CACNG7: variants seen among roughly 807,000 people sequenced by gnomAD.
CACNG7 encodes the protein calcium voltage-gated channel auxiliary subunit gamma 7, also known as voltage-dependent calcium channel gamma-7 subunit.
Under a neutral mutation model 26.3 loss-of-function variants are expected in CACNG7, and 9 were observed. That is an observed-to-expected ratio of 0.34 (90% CI 0.21 to 0.60). CACNG7 has a LOEUF of 0.60. Ranked by LOEUF, CACNG7 falls within the 20% of genes least tolerant of loss-of-function variation. The pLI is 0.81. For synonymous variants in CACNG7, 170 were observed against 157.0 expected, an observed-to-expected ratio of 1.08 and a Z score of -0.62; for missense variants, 297 against 380.4, an observed-to-expected ratio of 0.78 and a Z score of 1.82.
At position 53,915,517 on chromosome 19, in the gene CACNG7, G is replaced by A. The variant is rs773206528; in HGVS notation, c.424+12G>A. 67 of 1,613,798 alleles carry A rather than the reference G, an allele frequency of 4.2e-5. No homozygotes were observed. In the South Asian group the frequency reaches 6.9e-4, roughly 17 times the overall value. On this transcript the variant is annotated intron_variant, in intron 4 of 5. Coordinates refer to ENST00000391767, the MANE Select transcript of CACNG7 (RefSeq NM_031896.5). ...CTTCATACTATCGGGTGAGCCTAAG[G>A]ACTTGGGGGTTGGGGGGGACCATTT...
chr19:53,929,805 A>T (rs1412922561), intron 4 of CACNG7, among the ~76,000 whole-genome samples: 1 of 152,150 alleles, frequency 6.6e-6, no homozygotes, highest in African/African-American at 2.4e-5. Context: ...GTGTTATGGA[A>T]GTTCAGAGCA....
In CACNG7 at chr19:53,942,368, C is replaced by A; in HGVS notation, c.*75C>A. On this transcript the variant is annotated 3_prime_UTR_variant, in exon 6 of 6. Transcript: ENST00000391767. The surrounding 1 kb of genome is among the most constrained non-coding windows in gnomAD (Gnocchi z 5.9). ...GGGGTCTCCCTGCAATGCAGCGCCCCCTTCCGTCCTCGGGACTCCTCGCTC... is the reference window on the plus strand; with the variant it reads ...GGGGTCTCCCTGCAATGCAGCGCCCACTTCCGTCCTCGGGACTCCTCGCTC... 1.3e-6 allele frequency: 2 copies of A among 1,539,674 alleles called. No individual in the cohort carries two copies. Among genetic ancestry groups the A allele is most frequent in the South Asian group, 2.4e-5 (2 of 81,716 alleles).
At chr19:53,916,139 T>G (rs557659866) in intron 4 of CACNG7, among the ~76,000 whole-genome samples, 255 of 152,372 alleles carry the variant, frequency 1.7e-3, no homozygotes, top group African/African-American at 5.7e-3. Context: ...ATTGTCTAGA[T>G]GCATTTCAGA....
intron 4 of CACNG7, among the ~76,000 whole-genome samples, chr19:53,919,255 G>C (rs1211800377): frequency 6.6e-6 from 1 of 152,202 alleles, no homozygotes; most frequent in East Asian, 1.9e-4. Flanking sequence ...GAATAGCCTG[G>C]GGTGACTGCC....
At chr19:53,923,827 T>C (rs1162440270) in intron 4 of CACNG7, among the ~76,000 whole-genome samples, 17 of 125,618 alleles carry the variant, frequency 1.4e-4, no homozygotes, top group African/African-American at 5.0e-4. Context: ...GCCCCAGGTC[T>C]GGTCATTGGT....
chr19:53,935,631 T>G, intron 4 of CACNG7, among the ~76,000 whole-genome samples: 1 of 120,734 alleles, frequency 8.3e-6, no homozygotes. Flanking sequence ...CCTCCAATAC[T>G]GTCTTTTTTT....
intron 4 of CACNG7, among the ~76,000 whole-genome samples, chr19:53,917,753 A>C (rs1568771781): frequency 6.6e-6 from 1 of 152,182 alleles, no homozygotes. Flanking sequence ...GGGGATTTTT[A>C]TTCAACCTGT....
chr19:53,915,076 AAG>A (rs2068887035), intron 3 of CACNG7, among the ~76,000 whole-genome samples: 1 of 151,784 alleles, frequency 6.6e-6, no homozygotes, highest in East Asian at 1.9e-4. Flanking sequence ...GGTAAGGAGA[AAG>A]AGCAAGGTTG....
At chr19:53,919,163 A>G (rs1324299857) in intron 4 of CACNG7, among the ~76,000 whole-genome samples, 4 of 152,212 alleles carry the variant, frequency 2.6e-5, no homozygotes, top group African/African-American at 9.6e-5. Context: ...TGCCCCACCA[A>G]GATTAAGATC....
At chr19:53,929,012 G>C (rs1271124104) in intron 4 of CACNG7, among the ~76,000 whole-genome samples, 1 of 151,240 alleles carries the variant, frequency 6.6e-6, no homozygotes, top group Admixed American at 6.6e-5. Context: ...AGGAGGCTGA[G>C]GCAGGAGAAT....
intron 4 of CACNG7, among the ~76,000 whole-genome samples, chr19:53,921,597 G>C (rs1283458029): frequency 2.8e-5 from 3 of 105,636 alleles, no homozygotes; most frequent in African/African-American, 1.0e-4. Flanking sequence ...CTGGTCATTG[G>C]TGGAGTCGTC....
chr19:53,920,155 G>C (rs1599973070), intron 4 of CACNG7, among the ~76,000 whole-genome samples: 1 of 99,646 alleles, frequency 1.0e-5, no homozygotes. Flanking sequence ...CTGGTCATTG[G>C]TGGAGTTGTC....
intron 4 of CACNG7, among the ~76,000 whole-genome samples, chr19:53,937,963 G>C (rs1052614440): frequency 6.6e-6 from 1 of 152,108 alleles, no homozygotes; most frequent in Admixed American, 6.6e-5. Context: ...GGGGAAATCT[G>C]GGGGAAGAGC....
intron 4 of CACNG7, among the ~76,000 whole-genome samples, chr19:53,931,753 C>T (rs1442906778): frequency 2.9e-5 from 4 of 139,284 alleles, no homozygotes; most frequent in South Asian, 2.3e-4. Context: ...TTTTTAACAA[C>T]GCTGACTTTT....
chr19:53,926,983 CAG>C (rs1411241724), intron 4 of CACNG7, among the ~76,000 whole-genome samples: 1 of 151,738 alleles, frequency 6.6e-6, no homozygotes, highest in African/African-American at 2.4e-5. Flanking sequence ...TTTTTTGAGA[CAG>C]AGTCTTGCTT....
chr19:53,937,509 A>G (rs1318959890), intron 4 of CACNG7, among the ~76,000 whole-genome samples: 1 of 151,822 alleles, frequency 6.6e-6, no homozygotes, highest in East Asian at 1.9e-4. Context: ...GCATTTCTCA[A>G]ATTTTGAGTG....
intron 4 of CACNG7, among the ~76,000 whole-genome samples, chr19:53,925,534 A>C (rs1351325893): frequency 8.1e-6 from 1 of 123,890 alleles, no homozygotes; most frequent in Non-Finnish European, 1.6e-5. Context: ...GAGTTGTCCC[A>C]GGCTGGTCAT....
chr19:53,941,419 G>C (rs2069136571), intron 4 of CACNG7, 51 bp from the exon 5 acceptor site: 3 of 1,480,006 alleles, frequency 2.0e-6, no homozygotes, highest in Non-Finnish European at 2.7e-6. Context: ...GCTGGGGCTG[G>C]GAAAAGGGGC....
chr19:53,934,044 T>C (rs2069090194), intron 4 of CACNG7, among the ~76,000 whole-genome samples: 1 of 152,024 alleles, frequency 6.6e-6, no homozygotes, highest in Non-Finnish European at 1.5e-5. Context: ...ATTACAGGCC[T>C]GCACCACCAC....
Sources: gnomAD v4.1 joint callset for allele counts (sites outside exome capture counted in the v4.1 genomes callset) on GRCh38, gnomAD v4.1.1 for gene constraint, Gnocchi (gnomAD v3.1) non-coding constraint, MANE v1.5 for transcripts, NCBI Gene and HGNC (gene_info 2026-07-23, HGNC 2026-07-21) for gene names.